Variants in SLC5A10 observed in about 807,000 individuals in gnomAD.
The protein encoded by SLC5A10 is solute carrier family 5 member 10.
Under a neutral mutation model 68.9 loss-of-function variants are expected in SLC5A10, and 55 were observed. That is an observed-to-expected ratio of 0.80 (90% confidence interval 0.64 to 1.00). SLC5A10 has a LOEUF of 1.00. Ranked by LOEUF, SLC5A10 falls within the 50% of genes least tolerant of loss-of-function variation. The probability of loss-of-function intolerance (pLI) is 0.00; values close to 1 mark genes in which losing one functional copy is unlikely to be tolerated. For missense variants in SLC5A10, 732 were observed against 819.3 expected, an observed-to-expected ratio of 0.89 and a Z score of 1.30; for synonymous variants, 344 against 344.8, an observed-to-expected ratio of 1.00 and a Z score of 0.02.
chr17:18,961,916 A>G (rs1317159696), intron 5 of SLC5A10, among the ~76,000 whole-genome samples: 1 of 152,230 alleles, frequency 6.6e-6, no homozygotes, highest in Non-Finnish European at 1.5e-5. Context: ...AGGAGTGGCC[A>G]GCAGCAAACC....
At chr17:18,977,998 C>T (rs762164644) in intron 9 of SLC5A10, 7 of 1,567,574 alleles carry the variant, frequency 4.5e-6, no homozygotes, top group South Asian at 3.5e-5. Flanking sequence ...CAGATAGCTG[C>T]CGCTGGAGTG....
At chr17:18,952,516 G>GTCTC (rs2042389432) in intron 1 of SLC5A10, 200 bp downstream of exon 1, 4 of 570,350 alleles carry the variant, frequency 7.0e-6, no homozygotes, top group Non-Finnish European at 1.2e-5. Flanking sequence ...GGGTAATGGC[G>GTCTC]TCTCCATCTG....
rs1334081577 is a variant in SLC5A10 at position 18,960,740 on chromosome 17, A to G, written c.453+88A>G. 28 of 1,263,572 alleles carry G rather than the reference A, an allele frequency of 2.2e-5. No individual in the cohort carries two copies. In the South Asian group the frequency reaches 2.7e-4, roughly 12 times the overall value. The allele number at this position is 1,263,572 out of a possible 1,614,324, so 78.3% of individuals were successfully genotyped here. A position where few individuals can be genotyped will look rare whatever the true frequency, so the allele number is the denominator to read the frequency against. ...AAGAGGACCTGACATCTTCTCATTC[A>G]TCTCTGCCTTGTTTAACAGCTGGGC... On this transcript the variant is annotated intron_variant, in intron 5 of 14. Transcript: ENST00000395645.
chr17:18,999,808 T>G (rs2043681346), intron 9 of SLC5A10, among the ~76,000 whole-genome samples: 1 of 152,236 alleles, frequency 6.6e-6, no homozygotes, highest in Non-Finnish European at 1.5e-5. Context: ...ATCAGTGTTC[T>G]GGCCCTGGCC....
chr17:18,996,227 A>G lies in SLC5A10; in HGVS notation c.983-17183A>G, dbSNP rs1199530052. Reference sequence around the variant, plus strand: ...CTAAAGACTTTTTCAAATATAAAAAAGCTGAGAGAATTCATTACCAGCAGA... The same window carrying G: ...CTAAAGACTTTTTCAAATATAAAAAGGCTGAGAGAATTCATTACCAGCAGA... On this transcript the variant is annotated intron_variant, in intron 9 of 14. Coordinates refer to ENST00000395645, the MANE Select transcript of SLC5A10 (RefSeq NM_001042450.4). This position sits in a 1 kb window ranked among gnomAD's most constrained non-coding sequence, Gnocchi z 4.4. 6.6e-6 allele frequency among the ~76,000 whole-genome samples: 1 copy of G among 152,056 alleles called. No individual in the cohort carries two copies.
chr17:18,971,453 G>A lies in SLC5A10; in HGVS notation c.846+235G>A, dbSNP rs538347250. ...GCCCGTCCTGGCCTTTAGGTGCTTC[G>A]ACTGAGACAGTTTGGAGTATGGGAT... On this transcript the variant is annotated intron_variant, in intron 8 of 14. Coordinates refer to ENST00000395645, the MANE Select transcript of SLC5A10 (RefSeq NM_001042450.4). This position sits in a 1 kb window ranked among gnomAD's most constrained non-coding sequence, Gnocchi z 5.5. The A allele has an allele frequency of 5.6e-6, 9 of 1,613,888 alleles. No individual in the cohort carries two copies. Among genetic ancestry groups the A allele is most frequent in the Middle Eastern group, 1.6e-4 (1 of 6,062 alleles).
intron 4 of SLC5A10, 33 bp downstream of exon 4, chr17:18,959,696 G>T: frequency 6.2e-7 from 1 of 1,610,596 alleles, no homozygotes. Context: ...CAGCTGGGGG[G>T]CTGGGCCTTG....
Position 19,004,335 on chromosome 17 carries a change from G to T in SLC5A10, c.983-9075G>T. The T allele has an allele frequency of 5.4e-6, 2 of 373,564 alleles. No individual in the cohort carries two copies. The highest frequency in any genetic ancestry group is 3.5e-5 in the South Asian group (1 of 28,556). The allele number at this position is 373,564 out of a possible 1,614,324, so 23.1% of individuals were successfully genotyped here. A position where few individuals can be genotyped will look rare whatever the true frequency, so the allele number is the denominator to read the frequency against. On this transcript the variant is annotated intron_variant, in intron 9 of 14. Transcript: ENST00000395645. This position sits in a 1 kb window ranked among gnomAD's most constrained non-coding sequence, Gnocchi z 5.4. ...CTGGACTGGGATGGGAAGAAAGTAA[G>T]GGATCGGAACAGCGGTGAGGGAGCG...
intron 9 of SLC5A10, chr17:18,979,804 G>T: frequency 9.6e-7 from 1 of 1,036,988 alleles, no homozygotes; most frequent in African/African-American, 1.6e-5. Flanking sequence ...GAGGCTGTAA[G>T]GCCTGGAGAA....
chr17:18,962,916 A>G (rs1597820375), intron 5 of SLC5A10, among the ~76,000 whole-genome samples: 1 of 152,090 alleles, frequency 6.6e-6, no homozygotes, highest in Non-Finnish European at 1.5e-5. Context: ...GCTTGGGCGG[A>G]ACTTCTAGAA....
chr17:19,010,576 C>T (rs896913843), intron 9 of SLC5A10, among the ~76,000 whole-genome samples: 5 of 152,224 alleles, frequency 3.3e-5, no homozygotes, highest in Non-Finnish European at 5.9e-5. Flanking sequence ...ACCAGTGGGA[C>T]TCGGGGCGGT....
chr17:18,967,096 C>T (rs912302433), intron 5 of SLC5A10, among the ~76,000 whole-genome samples: 7 of 152,152 alleles, frequency 4.6e-5, no homozygotes, highest in South Asian at 2.1e-4. Flanking sequence ...GAGGAGTGCT[C>T]GGGCTGCAGG....
intron 9 of SLC5A10, among the ~76,000 whole-genome samples, chr17:18,985,204 G>C (rs745391036): frequency 1.3e-5 from 2 of 152,198 alleles, no homozygotes; most frequent in Non-Finnish European, 1.5e-5. Context: ...GCTCGTGACC[G>C]AAGGCCCACC....
intron 1 of SLC5A10, among the ~76,000 whole-genome samples, chr17:18,956,858 A>G (rs904023676): frequency 1.3e-5 from 2 of 152,118 alleles, no homozygotes; most frequent in South Asian, 4.1e-4. Flanking sequence ...TTATCTCAGC[A>G]TGCTACGTGT....
chr17:18,981,045 C>G (rs1359524307), intron 9 of SLC5A10, among the ~76,000 whole-genome samples: 1 of 152,196 alleles, frequency 6.6e-6, no homozygotes, highest in Non-Finnish European at 1.5e-5. Context: ...TTATTCACCC[C>G]ACTCATTCAC....
At chr17:19,001,676 C>T (rs950471776) in intron 9 of SLC5A10, among the ~76,000 whole-genome samples, 1 of 152,214 alleles carries the variant, frequency 6.6e-6, no homozygotes, top group Non-Finnish European at 1.5e-5. Flanking sequence ...AAAGGAAGCT[C>T]CAGGTGGCTC....
At chr17:18,978,412 G>A (rs775264405) in intron 9 of SLC5A10, 4 of 1,592,322 alleles carry the variant, frequency 2.5e-6, no homozygotes, top group Non-Finnish European at 3.4e-6. Context: ...CAGGCTCCGG[G>A]TCTGGCTCCA....
At chr17:18,998,705 G>A (rs1330300183) in intron 9 of SLC5A10, among the ~76,000 whole-genome samples, 2 of 152,204 alleles carry the variant, frequency 1.3e-5, no homozygotes, top group Non-Finnish European at 2.9e-5. Flanking sequence ...CCTTTGGAGC[G>A]CACAGGAGTT....
intron 1 of SLC5A10, among the ~76,000 whole-genome samples, chr17:18,954,667 C>G (rs918459802): frequency 1.1e-4 from 17 of 152,192 alleles, no homozygotes; most frequent in Admixed American, 1.1e-3. Context: ...CGGGGGGAGG[C>G]CTTTAAGGAA....
Sources: gnomAD v4.1 joint callset for allele counts (sites outside exome capture counted in the v4.1 genomes callset) on GRCh38, gnomAD v4.1.1 for gene constraint, Gnocchi (gnomAD v3.1) non-coding constraint, MANE v1.5 for transcripts, NCBI Gene and HGNC (gene_info 2026-07-23, HGNC 2026-07-21) for gene names.